Variants in CDK14 observed in about 807,000 individuals in gnomAD.
CDK14 encodes cyclin dependent kinase 14, also known as cyclin-dependent kinase 14.
Under a neutral mutation model 60.7 loss-of-function variants are expected in CDK14, and 34 were observed. The ratio of observed to expected loss-of-function variants is 0.56; its 90% CI spans 0.43 to 0.75. CDK14 has a LOEUF of 0.75. CDK14 is among the 30% of genes least tolerant of loss of function. CDK14 has a pLI of 0.00. For missense variants in CDK14, 482 were observed against 564.1 expected, an observed-to-expected ratio of 0.85 and a Z score of 1.47; for synonymous variants, 197 against 203.7, an observed-to-expected ratio of 0.97 and a Z score of 0.28.
In CDK14 at chr7:91,045,948, C is replaced by T; in HGVS notation, c.1093C>T (p.His365Tyr). The T allele has an allele frequency of 3.1e-6, 5 of 1,606,864 alleles. No homozygotes were observed. Among genetic ancestry groups the T allele is most frequent in the Non-Finnish European group, 4.3e-6 (5 of 1,173,528 alleles). The change falls in exon 11 of 15, where the codon CAT becomes TAT. Residue 365 changes from histidine (H) to tyrosine (Y), a missense_variant. Transcript: ENST00000380050. ...ATGGCCTGGAGTTCATTCTTTACCA[C>T]ATTTTAAGCCAGGTATGTTTCATTA... ...DTWPGVHSLP[H>Y]FKPERFTLYS...
At chr7:91,024,254 G>A (rs776319023) in intron 10 of CDK14, among the ~76,000 whole-genome samples, 14 of 152,162 alleles carry the variant, frequency 9.2e-5, no homozygotes, top group Non-Finnish European at 1.8e-4. Context: ...CAAGAATCCA[G>A]TGAGGTAGGT....
intron 2 of CDK14, among the ~76,000 whole-genome samples, chr7:90,652,961 C>T (rs1800675663): frequency 6.6e-6 from 1 of 151,998 alleles, no homozygotes. Flanking sequence ...GTATTTGCTC[C>T]CCTGAATTTC....
intron 12 of CDK14, among the ~76,000 whole-genome samples, chr7:91,096,065 C>CAAA (rs112016367): frequency 0.038 from 2,424 of 63,534 alleles, 220 homozygotes; most frequent in African/African-American, 0.071. Context: ...CACAATTTGC[C>CAAA]AAAAAAAAAA....
At chr7:90,701,404 T>C (rs1801783868) in intron 2 of CDK14, among the ~76,000 whole-genome samples, 1 of 152,198 alleles carries the variant, frequency 6.6e-6, no homozygotes, top group Admixed American at 6.5e-5. Context: ...CTTTCCTCTA[T>C]AAATTATAAG....
intron 14 of CDK14, among the ~76,000 whole-genome samples, chr7:91,203,023 G>T (rs1802778660): frequency 1.3e-5 from 2 of 152,178 alleles, no homozygotes; most frequent in African/African-American, 2.4e-5. Context: ...CAACAGGATA[G>T]TGAATATGCC....
In CDK14 at chr7:90,887,812, TAAG is replaced by T. The variant is rs367651610; in HGVS notation, c.640-11474_640-11472del. 3.2e-3 allele frequency among the ~76,000 whole-genome samples: 482 copies of T among 152,318 alleles called. 4 individuals carry two copies. Among genetic ancestry groups the T allele is most frequent in the African/African-American group, 0.011 (465 of 41,584 alleles). ...AAATTATAAATGCTTCATTTTTAAT[TAAG>T]AAGAGAAAGATTATATATTGTCATG... On this transcript the variant is annotated intron_variant, in intron 6 of 14. Transcript: ENST00000380050.
At chr7:90,641,503 A>G (rs893188299) in intron 2 of CDK14, among the ~76,000 whole-genome samples, 4 of 152,234 alleles carry the variant, frequency 2.6e-5, no homozygotes, top group African/African-American at 9.6e-5. Flanking sequence ...CATTATGTTA[A>G]GTGAAAGAAG....
chr7:91,097,536 A>G (rs1724748), intron 12 of CDK14, among the ~76,000 whole-genome samples: 1 of 151,542 alleles, frequency 6.6e-6, no homozygotes, highest in African/African-American at 2.4e-5. Context: ...TTTTTTTTGT[A>G]TACATTCCAG....
intron 14 of CDK14, among the ~76,000 whole-genome samples, chr7:91,137,958 A>G (rs1800337372): frequency 6.6e-6 from 1 of 152,204 alleles, no homozygotes; most frequent in South Asian, 2.1e-4. Context: ...TTCCTTGGAC[A>G]GTGGATAATT....
At chr7:90,740,594 C>A (rs1009016773) in intron 3 of CDK14, among the ~76,000 whole-genome samples, 3 of 152,164 alleles carry the variant, frequency 2.0e-5, no homozygotes, top group African/African-American at 7.2e-5. Flanking sequence ...GAGAAACAAA[C>A]CCTGCCAAAA....
intron 2 of CDK14, among the ~76,000 whole-genome samples, chr7:90,658,344 A>T (rs889556312): frequency 4.6e-5 from 7 of 152,208 alleles, no homozygotes; most frequent in African/African-American, 1.2e-4. Flanking sequence ...TAGGTTGCAC[A>T]CTTATGAAGT....
chr7:91,039,988 G>C (rs1414666075), intron 10 of CDK14, among the ~76,000 whole-genome samples: 1 of 152,170 alleles, frequency 6.6e-6, no homozygotes, highest in African/African-American at 2.4e-5. Context: ...TCGAGAGGCT[G>C]AGATGGGAGG....
intron 8 of CDK14, among the ~76,000 whole-genome samples, chr7:90,950,223 C>G (rs62468477): frequency 0.048 from 7,303 of 152,104 alleles, 222 homozygotes; most frequent in African/African-American, 0.076. Flanking sequence ...ATTACAGGCG[C>G]GTGCCACCAT....
At chr7:91,171,331 C>A (rs1291897822) in intron 14 of CDK14, among the ~76,000 whole-genome samples, 4 of 151,990 alleles carry the variant, frequency 2.6e-5, no homozygotes, top group African/African-American at 9.7e-5. Flanking sequence ...GCCTGGGTGA[C>A]AGGGCAACAC....
intron 8 of CDK14, among the ~76,000 whole-genome samples, chr7:90,928,915 A>G (rs1387242859): frequency 1.3e-5 from 2 of 152,132 alleles, no homozygotes; most frequent in East Asian, 1.9e-4. Context: ...CTCAAGCCTC[A>G]GCAATGGCGA....
At chr7:90,849,149 G>A (rs1031690755) in intron 5 of CDK14, among the ~76,000 whole-genome samples, 2 of 152,052 alleles carry the variant, frequency 1.3e-5, no homozygotes, top group Admixed American at 6.6e-5. Context: ...TGAATGGCTT[G>A]GTGCTCTTAC....
intron 12 of CDK14, among the ~76,000 whole-genome samples, chr7:91,088,941 ATG>A (rs891758232): frequency 8.2e-4 from 124 of 151,178 alleles, no homozygotes; most frequent in African/African-American, 2.8e-3. Context: ...GTGAGTGTGC[ATG>A]TGTGTGTGTG....
At chr7:91,125,504 A>G (rs1192389744) in intron 14 of CDK14, among the ~76,000 whole-genome samples, 1 of 152,158 alleles carries the variant, frequency 6.6e-6, no homozygotes, top group Non-Finnish European at 1.5e-5. Flanking sequence ...TTTGGAATTT[A>G]GGATAGCTGC....
At chr7:90,606,543 A>G (rs1799423026) in intron 2 of CDK14, among the ~76,000 whole-genome samples, 1 of 152,204 alleles carries the variant, frequency 6.6e-6, no homozygotes, top group South Asian at 2.1e-4. Context: ...TACAGAGTAG[A>G]TAGAAGGATT....
Sources: gnomAD v4.1 joint callset for allele counts (sites outside exome capture counted in the v4.1 genomes callset) on GRCh38, gnomAD v4.1.1 for gene constraint, MANE v1.5 for transcripts, NCBI Gene and HGNC (gene_info 2026-07-23, HGNC 2026-07-21) for gene names.